Variants in MAGI2 observed in about 807,000 individuals in gnomAD.
The protein encoded by MAGI2 is membrane-associated guanylate kinase, WW and PDZ domain-containing protein 2.
A neutral mutation model predicts 133.3 loss-of-function variants in MAGI2; 35 were observed. The ratio of observed to expected loss-of-function variants is 0.26; its 90% CI spans 0.20 to 0.35. The LOEUF (loss-of-function observed/expected upper bound fraction) is 0.35. MAGI2 is among the 10% of genes least tolerant of loss of function. The pLI is 1.00. For missense variants in MAGI2, 1,636 were observed against 1,863.4 expected, an observed-to-expected ratio of 0.88 and a Z score of 2.25; for synonymous variants, 729 against 710.6, an observed-to-expected ratio of 1.03 and a Z score of -0.41.
chr7:79,339,952 G>A (rs1840767438), intron 1 of MAGI2, among the ~76,000 whole-genome samples: 1 of 152,064 alleles, frequency 6.6e-6, no homozygotes, highest in Non-Finnish European at 1.5e-5. Flanking sequence ...CAATTTGCTA[G>A]AATATGTCTT....
chr7:79,213,690 G>C (rs945235662), intron 1 of MAGI2, among the ~76,000 whole-genome samples: 11 of 151,992 alleles, frequency 7.2e-5, no homozygotes, highest in Non-Finnish European at 5.9e-5. Flanking sequence ...TTCTGAAATA[G>C]AACATCTCTA....
chr7:78,083,387 GGAGAGAGAGAGAGAGAGAGAGAGA>G, intron 20 of MAGI2, among the ~76,000 whole-genome samples: 1 of 33,310 alleles, frequency 3.0e-5, no homozygotes, highest in South Asian at 1.9e-3. Flanking sequence ...AGGGAGGGGG[GGAGAGAGAGAGAGAGAGAGAGAGA>G]GAGAGAGAGA....
chr7:78,397,660 G>A (rs1407205818), intron 6 of MAGI2, among the ~76,000 whole-genome samples: 5 of 152,026 alleles, frequency 3.3e-5, no homozygotes, highest in African/African-American at 7.2e-5. Flanking sequence ...TCAGAAACTC[G>A]AAGTCTAACA....
chr7:78,657,286 G>A (rs1386526397), intron 2 of MAGI2, among the ~76,000 whole-genome samples: 3 of 152,212 alleles, frequency 2.0e-5, no homozygotes, highest in South Asian at 2.1e-4. Context: ...GATACTAAAC[G>A]TACTCTTAGC....
intron 1 of MAGI2, among the ~76,000 whole-genome samples, chr7:79,219,421 T>C (rs765197256): frequency 1.3e-5 from 2 of 152,082 alleles, no homozygotes; most frequent in African/African-American, 2.4e-5. Flanking sequence ...GAATATGTTA[T>C]ATGTATTTGG....
chr7:79,022,877 A>G (rs530382268), intron 1 of MAGI2, among the ~76,000 whole-genome samples: 1 of 152,304 alleles, frequency 6.6e-6, no homozygotes, highest in East Asian at 1.9e-4. Flanking sequence ...ATGAACCAGA[A>G]CAAGCTCAGG....
chr7:78,825,853 A>G (rs489403), intron 2 of MAGI2, among the ~76,000 whole-genome samples: 71,286 of 151,986 alleles, frequency 0.47, 17,414 homozygotes, highest in South Asian at 0.57. Context: ...GATGTCTCCA[A>G]CCGATTTGAA....
At chr7:78,052,354 C>G (rs1025340905) in intron 21 of MAGI2, among the ~76,000 whole-genome samples, 10 of 152,150 alleles carry the variant, frequency 6.6e-5, no homozygotes, top group African/African-American at 2.2e-4. Flanking sequence ...GCACCCCCTC[C>G]TCTTTCTTGC....
chr7:79,354,464 T>A (rs537323059), intron 1 of MAGI2: 1 of 152,394 alleles, frequency 6.6e-6, no homozygotes, highest in East Asian at 1.9e-4. Flanking sequence ...GAATACTAGG[T>A]GGGCAGGGTT....
At chr7:78,922,163 ATT>A (rs11354671) in intron 2 of MAGI2, among the ~76,000 whole-genome samples, 41 of 142,042 alleles carry the variant, frequency 2.9e-4, no homozygotes, top group Admixed American at 9.8e-4. Context: ...TTTATTTTTT[ATT>A]TTTTTTTTTG....
At chr7:79,404,040 A>T (rs1039628588) in intron 1 of MAGI2, among the ~76,000 whole-genome samples, 7 of 152,182 alleles carry the variant, frequency 4.6e-5, no homozygotes, top group African/African-American at 1.7e-4. Flanking sequence ...AGGGATGACA[A>T]TGTTAATGTT....
At chr7:79,136,088 A>G (rs56719739) in intron 1 of MAGI2, among the ~76,000 whole-genome samples, 269 of 146,398 alleles carry the variant, frequency 1.8e-3, no homozygotes, top group African/African-American at 5.1e-3. Flanking sequence ...AAAGAAAGAA[A>G]GAAAGAAAGA....
intron 3 of MAGI2, among the ~76,000 whole-genome samples, chr7:78,524,305 C>T (rs1796767405): frequency 6.6e-5 from 10 of 152,116 alleles, no homozygotes; most frequent in Admixed American, 6.5e-4. Flanking sequence ...TGACAAATCT[C>T]CACTCCATTT....
intron 2 of MAGI2, among the ~76,000 whole-genome samples, chr7:78,776,776 G>T (rs1826018811): frequency 6.6e-6 from 1 of 152,148 alleles, no homozygotes; most frequent in Non-Finnish European, 1.5e-5. Context: ...AATTATGATG[G>T]TCGCATTTTT....
At chr7:78,912,311 G>A (rs922629147) in intron 2 of MAGI2, among the ~76,000 whole-genome samples, 2 of 152,130 alleles carry the variant, frequency 1.3e-5, no homozygotes, top group African/African-American at 4.8e-5. Flanking sequence ...TGACTTCAAG[G>A]AGAAAGCAAT....
intron 1 of MAGI2, among the ~76,000 whole-genome samples, chr7:79,447,127 A>G (rs953558079): frequency 2.0e-5 from 3 of 152,174 alleles, no homozygotes; most frequent in African/African-American, 7.2e-5. Flanking sequence ...AAATATCTCA[A>G]TATGAAGTCC....
intron 7 of MAGI2, among the ~76,000 whole-genome samples, chr7:78,355,245 T>C (rs758864630): frequency 2.8e-4 from 43 of 152,312 alleles, no homozygotes; most frequent in South Asian, 6.2e-4. Flanking sequence ...GTGTTTTTCA[T>C]TCTGAAGCTC....
chr7:78,951,019 G>A (rs1254462499), intron 2 of MAGI2, among the ~76,000 whole-genome samples: 2 of 144,574 alleles, frequency 1.4e-5, no homozygotes, highest in South Asian at 2.2e-4. Flanking sequence ...TCACCCAAGC[G>A]GGAGTGCAGT....
At chr7:78,765,343 C>CTTTTTTCTTTT (rs1824911362) in intron 2 of MAGI2, among the ~76,000 whole-genome samples, 1 of 89,056 alleles carries the variant, frequency 1.1e-5, no homozygotes, top group African/African-American at 4.7e-5. Context: ...TAGTGCACAT[C>CTTTTTTCTTTT]TTTTTTTTTT....
Sources: allele counts gnomAD v4.1 joint callset (sites outside exome capture counted in the v4.1 genomes callset), GRCh38; gene constraint gnomAD v4.1.1; transcripts MANE v1.5; gene names NCBI Gene and HGNC (gene_info 2026-07-23, HGNC 2026-07-21).